ANK1: variants seen among roughly 807,000 people sequenced by gnomAD.
The protein encoded by ANK1 is ankyrin 1.
In ANK1, 51 loss-of-function variants were observed where a neutral mutation model predicts 210.4. The ratio of observed to expected loss-of-function variants is 0.24; its 90% confidence interval spans 0.19 to 0.31. ANK1 has a LOEUF of 0.31. Among genes scored for constraint, ANK1 ranks in the 10% least tolerant of loss-of-function variants. The pLI, the probability that ANK1 is intolerant of heterozygous loss-of-function variation, is 1.00. For synonymous variants in ANK1, 967 were observed against 1,025.9 expected (o/e 0.94, Z 1.10); for missense variants, 2,051 against 2,504.4 (o/e 0.82, Z 3.86).
At chr8:41,762,797 A>G (rs1471742499) in intron 1 of ANK1, among the ~76,000 whole-genome samples, 1 of 152,224 alleles carries the variant, frequency 6.6e-6, no homozygotes, top group Non-Finnish European at 1.5e-5. Context: ...CCACCAATTA[A>G]CTACCGTTTA....
Position 41,692,629 on chromosome 8 carries a change from C to G in ANK1, c.3858+19G>C, listed in dbSNP as rs774569311. The G allele has an allele frequency of 1.2e-6, 2 of 1,606,988 alleles. No individual in the cohort carries two copies. The highest frequency in any genetic ancestry group is 1.7e-6 in the Non-Finnish European group (2 of 1,175,318). ...AGGACGGTTTGTCCCAGAGGCGGTG[C>G]AGGGCCCAGCCCTGTTACCTCTATG... On this transcript the variant is annotated intron_variant, in intron 31 of 42. Coordinates refer to ENST00000289734, the MANE Select transcript of ANK1 (RefSeq NM_000037.4).
rs78151836 is a variant in ANK1, at chr8:41,659,134, G to A, written c.*36+2296C>T. ...ATTAACACTGACTTCACCACCACAA[G>A]CACTCTAACTCATCCCTGAGCAGAG... On this transcript the variant is annotated intron_variant, in intron 42 of 42. Coordinates refer to ENST00000289734, the MANE Select transcript of ANK1 (RefSeq NM_000037.4). Among the ~76,000 whole-genome samples, 522 of 152,292 alleles carry A rather than the reference G, an allele frequency of 3.4e-3. 5 individuals carry two copies. The highest frequency in any genetic ancestry group is 0.012 in the African/African-American group (510 of 41,556).
At position 41,694,691 on chromosome 8, in the gene ANK1, G is replaced by A. The variant is rs374320181; in HGVS notation, c.3228C>T (p.Ile1076=). ...MSRLCQDYDT[I]GPEGGSLKSK... is the part of the protein sequence containing the mutation. Reference sequence around the variant, plus strand: ...TCTTCAGGGAGCCCCCTTCGGGACCGATGGTGTCGTAGTCCTGGCAGAGCC... The same window carrying A: ...TCTTCAGGGAGCCCCCTTCGGGACCAATGGTGTCGTAGTCCTGGCAGAGCC... Residue 1076 remains isoleucine, a synonymous_variant, in exon 28 of 43, where the codon ATC becomes ATT. Transcript: ENST00000289734. This position sits in a 1 kb window ranked among gnomAD's most constrained non-coding sequence, Gnocchi z 5.7. The A allele has an allele frequency of 3.7e-5, 59 of 1,614,022 alleles. No individual in the cohort carries two copies. The highest frequency in any genetic ancestry group is 2.2e-4 in the East Asian group (10 of 44,888).
chr8:41,807,946 A>G (rs1431965694), intron 1 of ANK1, among the ~76,000 whole-genome samples: 1 of 133,110 alleles, frequency 7.5e-6, no homozygotes, highest in African/African-American at 2.8e-5. Flanking sequence ...GGAGGGGAAG[A>G]GGAGGAGGGG....
chr8:41,680,521 C>T (rs1452614309), intron 37 of ANK1, among the ~76,000 whole-genome samples: 2 of 150,198 alleles, frequency 1.3e-5, no homozygotes, highest in East Asian at 2.0e-4. Context: ...GCTGAGATCG[C>T]ACCATTGCAC....
Position 41,672,632 on chromosome 8 carries a change from G to C in ANK1, c.4818C>G (p.Leu1606=), listed in dbSNP as rs777069950. The change falls in exon 38 of 43, where the codon CTC becomes CTG. Residue 1606 remains leucine, a synonymous_variant. Transcript: ENST00000289734. ...TGHEWKLEGA[L]SEEPRGPELG... ...ACTCGGGGCCCCGCGGTTCCTCTGA[G>C]AGTGCCCCCTCCAACTTCCACTCGT... is the stretch of plus-strand genomic sequence containing the variant. 3.5e-5 allele frequency: 57 copies of C among 1,614,102 alleles called. No homozygotes were observed. Among genetic ancestry groups the C allele is most frequent in the Middle Eastern group, 1.6e-4 (1 of 6,084 alleles).
At chr8:41,891,528 A>T (rs1446088081) in intron 1 of ANK1, among the ~76,000 whole-genome samples, 1 of 152,220 alleles carries the variant, frequency 6.6e-6, no homozygotes, top group Non-Finnish European at 1.5e-5. Context: ...GAGGTGGAGC[A>T]GCAGCCAAAA....
At chr8:41,709,494 C>T (rs756666735) in intron 16 of ANK1, among the ~76,000 whole-genome samples, 22 of 152,248 alleles carry the variant, frequency 1.4e-4, no homozygotes, top group Non-Finnish European at 2.9e-4. Context: ...ACCTGTGTGA[C>T]CCAGGGCAAG....
intron 11 of ANK1, 62 bp from the exon 12 acceptor site, chr8:41,717,764 G>A: frequency 9.7e-6 from 13 of 1,345,130 alleles, no homozygotes; most frequent in Non-Finnish European, 1.4e-5. Context: ...GAAGAAGAGA[G>A]AACCTGACAG....
At chr8:41,714,922 T>A (rs1827198732) in intron 15 of ANK1, 54 bp downstream of exon 15, 2 of 1,554,742 alleles carry the variant, frequency 1.3e-6, no homozygotes, top group African/African-American at 2.7e-5. Flanking sequence ...ATGTCCATCC[T>A]CTGTCCTTGC....
chr8:41,680,814 G>A (rs1224346143), intron 37 of ANK1, among the ~76,000 whole-genome samples: 1 of 152,158 alleles, frequency 6.6e-6, no homozygotes, highest in Non-Finnish European at 1.5e-5. Context: ...ATCCTCATGA[G>A]GAACATCTCA....
chr8:41,693,276 C>G, intron 29 of ANK1, 75 bp from the exon 30 acceptor site: 1 of 1,343,778 alleles, frequency 7.4e-7, no homozygotes, highest in East Asian at 2.3e-5. Context: ...ATGCTAAGGC[C>G]GTGGTGTGCA....
intron 1 of ANK1, among the ~76,000 whole-genome samples, chr8:41,824,028 C>T (rs985027334): frequency 6.6e-6 from 1 of 152,036 alleles, no homozygotes; most frequent in African/African-American, 2.4e-5. Flanking sequence ...GGCATGACCT[C>T]GGCTCACTGC....
chr8:41,766,772 C>A (rs913759086), intron 1 of ANK1, among the ~76,000 whole-genome samples: 18 of 152,352 alleles, frequency 1.2e-4, no homozygotes, highest in African/African-American at 4.3e-4. Context: ...AAGGGGACAG[C>A]GGCAGAGAGC....
intron 2 of ANK1, among the ~76,000 whole-genome samples, chr8:41,749,295 CTTTT>C (rs35569972): frequency 3.5e-5 from 4 of 115,436 alleles, no homozygotes; most frequent in East Asian, 2.5e-4. Context: ...TCATCTTGGA[CTTTT>C]TTTTTTTTTT....
At chr8:41,855,362 C>T (rs1375438563) in intron 1 of ANK1, among the ~76,000 whole-genome samples, 1 of 152,202 alleles carries the variant, frequency 6.6e-6, no homozygotes, top group African/African-American at 2.4e-5. Flanking sequence ...CTGCAAAGCC[C>T]ATAGGAGACC....
At chr8:41,703,001 T>C (rs1362423721) in intron 20 of ANK1, among the ~76,000 whole-genome samples, 1 of 151,874 alleles carries the variant, frequency 6.6e-6, no homozygotes, top group South Asian at 2.1e-4. Context: ...TTTTTTTGTA[T>C]TTTTAGTAGA....
chr8:41,664,081 T>G (rs892830247), intron 39 of ANK1: 18 of 484,644 alleles, frequency 3.7e-5, no homozygotes, highest in African/African-American at 3.1e-4. Context: ...TTTCCTATTT[T>G]TACAGCACTT....
At chr8:41,773,981 T>G (rs1380175795) in intron 1 of ANK1, among the ~76,000 whole-genome samples, 1 of 152,256 alleles carries the variant, frequency 6.6e-6, no homozygotes, top group African/African-American at 2.4e-5. Flanking sequence ...GAATGTTTTA[T>G]GTACAATAAC....
Sources: allele counts gnomAD v4.1 joint callset (sites outside exome capture counted in the v4.1 genomes callset), GRCh38; gene constraint gnomAD v4.1.1; non-coding constraint Gnocchi (gnomAD v3.1); transcripts MANE v1.5; gene names NCBI Gene and HGNC (gene_info 2026-07-23, HGNC 2026-07-21).